HNRNPM: variants seen among roughly 807,000 people sequenced by gnomAD.
HNRNPM encodes the protein heterogeneous nuclear ribonucleoprotein M.
A neutral mutation model predicts 73.1 loss-of-function variants in HNRNPM; 11 were observed. That is an observed-to-expected ratio of 0.15 (90% confidence interval 0.09 to 0.25). The LOEUF (loss-of-function observed/expected upper bound fraction) is 0.25, where lower values mean the gene tolerates loss of function less well. Ranked by LOEUF, HNRNPM falls within the 10% of genes least tolerant of loss-of-function variation. HNRNPM has a pLI of 1.00. For missense variants in HNRNPM, 789 were observed against 1,067.9 expected (o/e 0.74, Z 3.64); for synonymous variants, 407 against 355.2 (o/e 1.15, Z -1.64).
chr19:8,451,334 C>T (rs1276383119), intron 1 of HNRNPM, among the ~76,000 whole-genome samples: 2 of 152,028 alleles, frequency 1.3e-5, no homozygotes, highest in Non-Finnish European at 2.9e-5. Flanking sequence ...TGAGCCACCG[C>T]GCCCAGCCAA....
chr19:8,455,635 A>ATAC, intron 2 of HNRNPM, 61 bp downstream of exon 2: 2 of 1,419,872 alleles, frequency 1.4e-6, no homozygotes, highest in East Asian at 4.6e-5. Context: ...TCTGTGGCTA[A>ATAC]TTCCTTGGTT....
At chr19:8,480,644 CAG>C (rs1394765321) in intron 12 of HNRNPM, among the ~76,000 whole-genome samples, 3 of 150,358 alleles carry the variant, frequency 2.0e-5, no homozygotes, top group African/African-American at 7.4e-5. Flanking sequence ...GCCTGGGCGA[CAG>C]AGTGAGACTC....
chr19:8,475,647 C>G (rs547325850), intron 12 of HNRNPM, among the ~76,000 whole-genome samples: 1 of 152,264 alleles, frequency 6.6e-6, no homozygotes, highest in South Asian at 2.1e-4. Flanking sequence ...AAAGTTGTCA[C>G]CATTAGTAAT....
At chr19:8,451,544 CTTCCCT>C (rs1968627139) in intron 1 of HNRNPM, among the ~76,000 whole-genome samples, 2 of 141,578 alleles carry the variant, frequency 1.4e-5, no homozygotes, top group Admixed American at 7.3e-5. Context: ...TCCCCTTCCC[CTTCCCT>C]TGCCGAGACA....
intron 7 of HNRNPM, among the ~76,000 whole-genome samples, chr19:8,466,762 G>C (rs1435995418): frequency 7.1e-6 from 1 of 141,126 alleles, no homozygotes; most frequent in South Asian, 2.4e-4. Flanking sequence ...GGAGGTGGAG[G>C]TTGCAGTGAG....
At chr19:8,485,173 G>A (rs1167384424) in intron 13 of HNRNPM, among the ~76,000 whole-genome samples, 2 of 151,990 alleles carry the variant, frequency 1.3e-5, no homozygotes, top group East Asian at 1.9e-4. Context: ...GAGTGACTCC[G>A]ACTTGTCTCC....
In HNRNPM at chr19:8,444,987, GA is replaced by G. The variant is rs763054381; in HGVS notation, c.-11del. The G allele has an allele frequency of 7.1e-7, 1 of 1,403,992 alleles. No individual in the cohort carries two copies. Among genetic ancestry groups the G allele is most frequent in the Non-Finnish European group, 9.3e-7 (1 of 1,079,252 alleles). 87.0% of individuals were successfully genotyped at this position (1,403,992 alleles called of 1,614,324 possible). ...AGCCCGTTCGCTCACACAAAGCCCAGACGCGGAGAAAATGGCGGCAGGGGTC... is the reference window on the plus strand; with the variant it reads ...AGCCCGTTCGCTCACACAAAGCCCAGCGCGGAGAAAATGGCGGCAGGGGTC... On this transcript the variant is annotated 5_prime_UTR_variant, in exon 1 of 16. Coordinates refer to ENST00000325495, the MANE Select transcript of HNRNPM (RefSeq NM_005968.5).
At position 8,474,209 on chromosome 19, in the gene HNRNPM, G is replaced by C; in HGVS notation, c.1085G>C (p.Arg362Pro). The C allele has an allele frequency of 6.3e-7, 1 of 1,597,658 alleles. No homozygotes were observed. Among genetic ancestry groups the C allele is most frequent in the Non-Finnish European group, 8.5e-7 (1 of 1,173,214 alleles). ...GGTGGTGGTATGGAAAACATGGGTC[G>C]ATTTGGATCTGGGATGAACATGGGC... Reference protein sequence around the residue: ...PFGGGMENMGRFGSGMNMGRI... With the variant: ...PFGGGMENMGPFGSGMNMGRI... The change falls in exon 12 of 16, where the codon CGA (arginine) becomes CCA (proline). Residue 362 changes from arginine to proline, a missense_variant. Arg to Pro is a moderately radical substitution (Grantham distance 103). Around this residue, in one of 4 missense-constraint regions of HNRNPM, gnomAD observed 604 missense variants for 744.0 expected, o/e 0.81. Coordinates refer to ENST00000325495, the MANE Select transcript of HNRNPM (RefSeq NM_005968.5).
Position 8,483,145 on chromosome 19 carries a change from C to T in HNRNPM, c.1121-13C>T, listed in dbSNP as rs748157314. ...GAATTTGGCTAATTTTTTTTTCTTC[C>T]TGATTTCCTTAGAAATCCTAAGTAA... On this transcript the variant is annotated splice_polypyrimidine_tract_variant and intron_variant, in intron 12 of 15. Coordinates refer to ENST00000325495, the MANE Select transcript of HNRNPM (RefSeq NM_005968.5). 6.9e-6 allele frequency: 11 copies of T among 1,597,064 alleles called. No homozygotes were observed. Among genetic ancestry groups the T allele is most frequent in the Non-Finnish European group, 6.8e-6 (8 of 1,168,714 alleles).
chr19:8,478,124 C>T (rs998272083), intron 12 of HNRNPM, among the ~76,000 whole-genome samples: 1 of 152,114 alleles, frequency 6.6e-6, no homozygotes, highest in Non-Finnish European at 1.5e-5. Context: ...ACTGTGGTAG[C>T]GAATGCTTGG....
At chr19:8,470,669 C>T (rs1970066898) in intron 9 of HNRNPM, among the ~76,000 whole-genome samples, 1 of 152,134 alleles carries the variant, frequency 6.6e-6, no homozygotes, top group Non-Finnish European at 1.5e-5. Flanking sequence ...TAGTTTAAGC[C>T]TCAGATGGTG....
rs776193509 is a variant in HNRNPM, at chr19:8,468,854, G to C, written c.895+20G>C. On this transcript the variant is annotated intron_variant, in intron 9 of 15. Transcript: ENST00000325495. Reference sequence around the variant, plus strand: ...TTCCCCGTAAGTGTTTCAGTGATTAGGGCTGAGAGTTTGAATTGGAGTTAC... The same window carrying C: ...TTCCCCGTAAGTGTTTCAGTGATTACGGCTGAGAGTTTGAATTGGAGTTAC... The C allele has an allele frequency of 1.9e-6, 3 of 1,593,980 alleles. No homozygotes were observed. Among genetic ancestry groups the C allele is most frequent in the East Asian group, 4.5e-5 (2 of 44,804 alleles).
intron 6 of HNRNPM, among the ~76,000 whole-genome samples, chr19:8,465,747 G>A (rs7409052): frequency 0.93 from 142,038 of 152,140 alleles, 67,101 homozygotes; most frequent in East Asian, 1. Flanking sequence ...AGGTGTTTCC[G>A]CAAGCAGTAA....
intron 7 of HNRNPM, among the ~76,000 whole-genome samples, chr19:8,466,640 C>T (rs1184365760): frequency 1.3e-5 from 2 of 152,140 alleles, no homozygotes; most frequent in East Asian, 3.9e-4. Flanking sequence ...GCCTGGCCAA[C>T]ATGGTGAAAC....
At position 8,475,015 on chromosome 19, in the gene HNRNPM, C is replaced by T. The variant is rs976755551; in HGVS notation, c.1120+771C>T. On this transcript the variant is annotated intron_variant, in intron 12 of 15. Transcript: ENST00000325495. Reference sequence around the variant, plus strand: ...CAGGCGTGAGCCACCGTGCTCGGCACCTGCCCCCAACTTTTTAGCAGAAAT... The same window carrying T: ...CAGGCGTGAGCCACCGTGCTCGGCATCTGCCCCCAACTTTTTAGCAGAAAT... Among the ~76,000 whole-genome samples, 11 of 152,296 alleles carry T rather than the reference C, an allele frequency of 7.2e-5. No individual in the cohort carries two copies. In the East Asian group the frequency reaches 2.1e-3, roughly 29 times the overall value.
intron 10 of HNRNPM, among the ~76,000 whole-genome samples, chr19:8,473,359 G>A (rs1287107970): frequency 6.6e-6 from 1 of 152,168 alleles, no homozygotes; most frequent in Non-Finnish European, 1.5e-5. Context: ...TAGTCGGGAG[G>A]CTGAGGCAGG....
chr19:8,487,504 A>G, intron 15 of HNRNPM: 1 of 194,074 alleles, frequency 5.2e-6, no homozygotes, highest in South Asian at 7.4e-5. Context: ...GGCTCTGGGC[A>G]CACAGCAGCT....
At position 8,468,293 on chromosome 19, in the gene HNRNPM, G is replaced by A. The variant is rs901924335; in HGVS notation, c.835-481G>A. Reference sequence around the variant, plus strand: ...TCAGACAGCTTTTAAAGGTCTGTTGGAGCACTTCAATCTTAATAAACATTT... The same window carrying A: ...TCAGACAGCTTTTAAAGGTCTGTTGAAGCACTTCAATCTTAATAAACATTT... On this transcript the variant is annotated intron_variant, in intron 8 of 15. Coordinates refer to ENST00000325495, the MANE Select transcript of HNRNPM (RefSeq NM_005968.5). 2.0e-5 allele frequency among the ~76,000 whole-genome samples: 3 copies of A among 152,130 alleles called. No homozygotes were observed. The East Asian group carries it at 5.8e-4, about 29-fold the overall frequency.
Position 8,445,034 on chromosome 19 carries a change from G to A in HNRNPM, c.36G>A (p.Ala12=), listed in dbSNP as rs2145587320. 1.4e-6 allele frequency: 2 copies of A among 1,424,760 alleles called. No homozygotes were observed. Among genetic ancestry groups the A allele is most frequent in the East Asian group, 5.7e-5 (2 of 35,084 alleles). The allele number at this position is 1,424,760 out of a possible 1,614,324, so 88.3% of individuals were successfully genotyped here. Residue 12 remains alanine (A), a synonymous_variant, in exon 1 of 16, where the codon GCG becomes GCA. Coordinates refer to ENST00000325495, the MANE Select transcript of HNRNPM (RefSeq NM_005968.5). Reference sequence around the variant, plus strand: ...GGGTCGAAGCGGCGGCGGAGGTGGCGGCGACGGAGATCAAAATGGAGGAAG... The same window carrying A: ...GGGTCGAAGCGGCGGCGGAGGTGGCAGCGACGGAGATCAAAATGGAGGAAG... ...AAGVEAAAEV[A]ATEIKMEEES...
Sources: allele counts gnomAD v4.1 joint callset (sites outside exome capture counted in the v4.1 genomes callset), GRCh38; gene constraint gnomAD v4.1.1; regional missense constraint gnomAD v4.1.1; transcripts MANE v1.5; gene names NCBI Gene and HGNC (gene_info 2026-07-23, HGNC 2026-07-21).